The following LINGO2 variants were observed in gnomAD, a reference collection of about 807,000 sequenced individuals.
LINGO2 encodes leucine-rich repeat and immunoglobulin-like domain-containing nogo receptor-interacting protein 2.
Under a neutral mutation model 30.6 loss-of-function variants are expected in LINGO2, and 14 were observed. The ratio of observed to expected loss-of-function variants is 0.46; its 90% CI spans 0.30 to 0.72. The LOEUF is 0.72. Among genes scored for constraint, LINGO2 ranks in the 30% least tolerant of loss-of-function variants. The pLI is 0.07. For synonymous variants in LINGO2, 317 were observed against 288.5 expected (o/e 1.10, Z -1.00); for missense variants, 729 against 751.7 (o/e 0.97, Z 0.35).
intron 4 of LINGO2, among the ~76,000 whole-genome samples, chr9:28,166,335 T>C (rs1828425430): frequency 6.6e-6 from 1 of 152,216 alleles, no homozygotes; most frequent in Admixed American, 6.5e-5. Flanking sequence ...TCCAGACTTG[T>C]CCGGTGCTAC....
the LINGO2 span, among the ~76,000 whole-genome samples, chr9:28,788,448 A>G: frequency 6.6e-6 from 1 of 152,162 alleles, no homozygotes; most frequent in African/African-American, 2.4e-5. Flanking sequence ...CTGCATTATC[A>G]CCTTGCAGAA....
At chr9:28,609,892 A>T (rs1825844986) in intron 1 of LINGO2, among the ~76,000 whole-genome samples, 1 of 152,210 alleles carries the variant, frequency 6.6e-6, no homozygotes, top group African/African-American at 2.4e-5. Context: ...TGTCTGCATA[A>T]AATACGTGGC....
chr9:27,976,406 G>A (rs1238336452), intron 5 of LINGO2, among the ~76,000 whole-genome samples: 1 of 152,012 alleles, frequency 6.6e-6, no homozygotes, highest in Non-Finnish European at 1.5e-5. Context: ...CTGGGAGAAA[G>A]TGTCCCTCCA....
At chr9:28,369,192 C>T (rs1200640736) in intron 3 of LINGO2, among the ~76,000 whole-genome samples, 1 of 152,082 alleles carries the variant, frequency 6.6e-6, no homozygotes, top group African/African-American at 2.4e-5. Flanking sequence ...TATTACTTTT[C>T]TGATTGCTTC....
the LINGO2 span, among the ~76,000 whole-genome samples, chr9:28,999,767 C>A: frequency 6.6e-6 from 1 of 151,948 alleles, no homozygotes; most frequent in East Asian, 1.9e-4. Context: ...GCATTATAAA[C>A]AGTTTCATGC....
chr9:28,567,674 T>C (rs1823452132), intron 1 of LINGO2, among the ~76,000 whole-genome samples: 1 of 151,996 alleles, frequency 6.6e-6, no homozygotes, highest in Admixed American at 6.6e-5. Flanking sequence ...GAGGCAAGGG[T>C]TGAAAAACTA....
the LINGO2 span, among the ~76,000 whole-genome samples, chr9:28,715,016 T>G: frequency 6.6e-6 from 1 of 152,166 alleles, no homozygotes; most frequent in Non-Finnish European, 1.5e-5. Flanking sequence ...CTTTTGTATT[T>G]TTATAGGTTA....
chr9:29,147,424 A>C, the LINGO2 span, among the ~76,000 whole-genome samples: 3 of 152,244 alleles, frequency 2.0e-5, no homozygotes, highest in Admixed American at 2.0e-4. Context: ...ATTAGCACAC[A>C]AATTTAGGAA....
At chr9:28,716,036 A>T in the LINGO2 span, among the ~76,000 whole-genome samples, 18 of 152,110 alleles carry the variant, frequency 1.2e-4, no homozygotes, top group African/African-American at 4.3e-4. Flanking sequence ...GTACAAGATA[A>T]ATTACATGCA....
the LINGO2 span, among the ~76,000 whole-genome samples, chr9:29,097,825 T>C: frequency 2.9e-5 from 4 of 138,780 alleles, no homozygotes; most frequent in Non-Finnish European, 6.3e-5. Flanking sequence ...AAAAATACTA[T>C]GATAGCTAAT....
intron 5 of LINGO2, among the ~76,000 whole-genome samples, chr9:27,953,462 G>GAAAATGAAATGA (rs1819415239): frequency 6.6e-6 from 1 of 152,116 alleles, no homozygotes; most frequent in African/African-American, 2.4e-5. Flanking sequence ...GGCTAATATG[G>GAAAATGAAATGA]TTTGGCTGTG....
the LINGO2 span, among the ~76,000 whole-genome samples, chr9:28,682,597 G>C: frequency 1.3e-5 from 2 of 151,938 alleles, no homozygotes; most frequent in African/African-American, 4.8e-5. Flanking sequence ...CACGATTATA[G>C]ATGTAATTCT....
the LINGO2 span, among the ~76,000 whole-genome samples, chr9:28,875,526 T>G: frequency 6.6e-6 from 1 of 152,094 alleles, no homozygotes; most frequent in Non-Finnish European, 1.5e-5. Context: ...ATAGCTATTT[T>G]CCTCCTGGAT....
the LINGO2 span, among the ~76,000 whole-genome samples, chr9:29,195,231 C>T: frequency 4.6e-5 from 7 of 152,058 alleles, no homozygotes; most frequent in Admixed American, 3.3e-4. Flanking sequence ...TTGTATTCTA[C>T]GCAGTGGATA....
chr9:28,828,994 GT>G, the LINGO2 span, among the ~76,000 whole-genome samples: 1 of 152,076 alleles, frequency 6.6e-6, no homozygotes. Context: ...ATGCAATCCT[GT>G]TTTCCTTGCT....
the LINGO2 span, among the ~76,000 whole-genome samples, chr9:28,794,027 T>A: frequency 6.6e-6 from 1 of 151,998 alleles, no homozygotes; most frequent in South Asian, 2.1e-4. Context: ...AAAACATGAC[T>A]GAGGGCGGTG....
the LINGO2 span, among the ~76,000 whole-genome samples, chr9:28,995,775 A>C: frequency 6.6e-6 from 1 of 152,232 alleles, no homozygotes; most frequent in African/African-American, 2.4e-5. Flanking sequence ...CAAGGACAAA[A>C]AACCAAACAC....
chr9:28,395,249 T>C (rs1183689735), intron 2 of LINGO2, among the ~76,000 whole-genome samples: 4 of 152,128 alleles, frequency 2.6e-5, no homozygotes, highest in East Asian at 3.9e-4. Context: ...AGGTAAACTA[T>C]GTAGTTATAA....
At chr9:28,556,667 A>G (rs1587855766) in intron 1 of LINGO2, among the ~76,000 whole-genome samples, 1 of 152,136 alleles carries the variant, frequency 6.6e-6, no homozygotes, top group Non-Finnish European at 1.5e-5. Context: ...ATATGGAACC[A>G]AAAAAGAGCC....
Sources: allele counts gnomAD v4.1 joint callset (sites outside exome capture counted in the v4.1 genomes callset), GRCh38; gene constraint gnomAD v4.1.1; transcripts MANE v1.5; gene names NCBI Gene and HGNC (gene_info 2026-07-23, HGNC 2026-07-21).